TDRD3: variants seen among roughly 807,000 people sequenced by gnomAD.
The protein encoded by TDRD3 is tudor domain containing 3, also known as tudor domain-containing protein 3.
TDRD3 carries 45 observed loss-of-function variants against 86.7 expected under a neutral mutation model. That is an observed-to-expected ratio of 0.52 (90% CI 0.41 to 0.67). TDRD3 has a LOEUF of 0.67. TDRD3 is among the 30% of genes least tolerant of loss of function. TDRD3 has a pLI of 0.00. For missense variants in TDRD3, 814 were observed against 889.0 expected (o/e 0.92, Z 1.07); for synonymous variants, 298 against 301.7 (o/e 0.99, Z 0.13).
At chr13:60,489,074 C>G (rs1307684670) in intron 7 of TDRD3, among the ~76,000 whole-genome samples, 3 of 152,074 alleles carry the variant, frequency 2.0e-5, no homozygotes, top group African/African-American at 7.2e-5. Flanking sequence ...TCTCGTTTGT[C>G]TATTTTTACT....
At chr13:60,519,504 G>A (rs1957245716) in intron 10 of TDRD3, among the ~76,000 whole-genome samples, 1 of 152,072 alleles carries the variant, frequency 6.6e-6, no homozygotes, top group South Asian at 2.1e-4. Context: ...TCAGATACAT[G>A]TATTTTCATT....
In TDRD3 at chr13:60,573,767, T is replaced by C; in HGVS notation, c.*161T>C. The C allele has an allele frequency of 1.8e-6, 1 of 569,346 alleles. No individual in the cohort carries two copies. 35.3% of individuals were successfully genotyped at this position (569,346 alleles called of 1,614,324 possible). A position where few individuals can be genotyped will look rare whatever the true frequency, so the allele number is the denominator to read the frequency against. Reference sequence around the variant, plus strand: ...TTTTAGGGTGGAAAAAACAGTCAACTCACACAAAGAATGGAAAAAAATACT... The same window carrying C: ...TTTTAGGGTGGAAAAAACAGTCAACCCACACAAAGAATGGAAAAAAATACT... On this transcript the variant is annotated 3_prime_UTR_variant, in exon 14 of 14. Coordinates refer to ENST00000377881, the MANE Select transcript of TDRD3 (RefSeq NM_001146070.2).
intron 1 of TDRD3, among the ~76,000 whole-genome samples, chr13:60,418,977 C>T (rs987334182): frequency 6.6e-6 from 1 of 152,044 alleles, no homozygotes; most frequent in African/African-American, 2.4e-5. Flanking sequence ...AGACAATAAC[C>T]AGTTTTTGGT....
intron 10 of TDRD3, among the ~76,000 whole-genome samples, chr13:60,515,422 G>A (rs1224829248): frequency 6.6e-6 from 1 of 152,154 alleles, no homozygotes; most frequent in African/African-American, 2.4e-5. Flanking sequence ...TCACACAGAA[G>A]AGATTCATGA....
At chr13:60,510,533 A>G in intron 9 of TDRD3, 97 bp from the exon 10 acceptor site, 1 of 1,207,006 alleles carries the variant, frequency 8.3e-7, no homozygotes, top group South Asian at 3.0e-5. Flanking sequence ...AAAGAAATTA[A>G]AATCCTTATT....
chr13:60,459,031 T>C (rs1017638160), intron 3 of TDRD3, among the ~76,000 whole-genome samples: 2 of 152,226 alleles, frequency 1.3e-5, no homozygotes, highest in African/African-American at 4.8e-5. Flanking sequence ...TTTTTTTTCG[T>C]AAGTGAAAAT....
At chr13:60,533,172 TGCTAACATTCA>T (rs1957622607) in intron 11 of TDRD3, among the ~76,000 whole-genome samples, 1 of 152,192 alleles carries the variant, frequency 6.6e-6, no homozygotes, top group African/African-American at 2.4e-5. Flanking sequence ...TCTCTAAACT[TGCTAACATTCA>T]GACCTGGAAA....
At chr13:60,521,261 C>G (rs1957279298) in intron 10 of TDRD3, among the ~76,000 whole-genome samples, 1 of 152,104 alleles carries the variant, frequency 6.6e-6, no homozygotes, top group Admixed American at 6.5e-5. Context: ...TGGTGTTAAA[C>G]AGATAGCAAT....
At chr13:60,467,789 G>A (rs1566215864) in intron 5 of TDRD3, among the ~76,000 whole-genome samples, 1 of 152,162 alleles carries the variant, frequency 6.6e-6, no homozygotes, top group Non-Finnish European at 1.5e-5. Flanking sequence ...AGGAGTTCTT[G>A]TTGCACTTGA....
intron 8 of TDRD3, among the ~76,000 whole-genome samples, chr13:60,495,244 A>G (rs769381176): frequency 6.6e-6 from 1 of 152,170 alleles, no homozygotes; most frequent in Admixed American, 6.5e-5. Context: ...CAGTATAACA[A>G]TATTAGGGCA....
At chr13:60,407,463 T>C (rs1954262024) in intron 1 of TDRD3, among the ~76,000 whole-genome samples, 1 of 152,206 alleles carries the variant, frequency 6.6e-6, no homozygotes, top group South Asian at 2.1e-4. Flanking sequence ...TGTGATCTCC[T>C]CAGAAATGCA....
chr13:60,504,673 G>A (rs11619210), intron 8 of TDRD3, among the ~76,000 whole-genome samples: 22,847 of 152,100 alleles, frequency 0.15, 2,147 homozygotes, highest in South Asian at 0.28. Context: ...GAACAGCTCC[G>A]GCCTGCAGCT....
At position 60,487,907 on chromosome 13, in the gene TDRD3, C is replaced by T. The variant is rs545434353; in HGVS notation, c.717+1959C>T. Among the ~76,000 whole-genome samples the T allele has an allele frequency of 2.0e-5, 3 of 152,304 alleles. No individual in the cohort carries two copies. The East Asian group carries it at 5.8e-4, about 29-fold the overall frequency. ...CCACCAACAGTACATAAGAGTTCTTCTTTCTTCACATCCTCACCAGTATTT... is the reference window on the plus strand; with the variant it reads ...CCACCAACAGTACATAAGAGTTCTTTTTTCTTCACATCCTCACCAGTATTT... On this transcript the variant is annotated intron_variant, in intron 7 of 13. Coordinates refer to ENST00000377881, the MANE Select transcript of TDRD3 (RefSeq NM_001146070.2).
At chr13:60,505,417 T>C (rs1330571204) in intron 8 of TDRD3, among the ~76,000 whole-genome samples, 6 of 152,136 alleles carry the variant, frequency 3.9e-5, no homozygotes, top group Non-Finnish European at 5.9e-5. Context: ...AGGGCATTTG[T>C]CAAAGAAAGG....
chr13:60,397,335 C>T lies in TDRD3; in HGVS notation c.-30C>T, dbSNP rs1290597390. The stretch of plus-strand genomic sequence containing the variant: ...GCCTCCCCATCACCCCCACCCCAGC[C>T]CCCCACCACCCCCGGCCTAAGCAGC... On this transcript the variant is annotated 5_prime_UTR_variant, in exon 1 of 14. Transcript: ENST00000377881. 2.1e-6 allele frequency: 3 copies of T among 1,437,878 alleles called. No individual in the cohort carries two copies. Among genetic ancestry groups the T allele is most frequent in the South Asian group, 2.7e-5 (2 of 75,030 alleles). 89.1% of individuals were successfully genotyped at this position (1,437,878 alleles called of 1,614,324 possible).
intron 2 of TDRD3, among the ~76,000 whole-genome samples, chr13:60,444,467 G>A (rs938362307): frequency 6.6e-6 from 1 of 151,772 alleles, no homozygotes; most frequent in African/African-American, 2.4e-5. Context: ...CAGGATTAAG[G>A]CCTTATGTGT....
At chr13:60,531,353 T>C (rs1031569067) in intron 11 of TDRD3, among the ~76,000 whole-genome samples, 6 of 152,182 alleles carry the variant, frequency 3.9e-5, no homozygotes. Context: ...TATTTAGATA[T>C]TTCTCCTTCA....
chr13:60,406,255 G>T (rs1039394457), intron 1 of TDRD3, among the ~76,000 whole-genome samples: 21 of 152,178 alleles, frequency 1.4e-4, no homozygotes, highest in African/African-American at 4.6e-4. Context: ...GGCTGCAGCT[G>T]TCCGGTATGG....
intron 1 of TDRD3, among the ~76,000 whole-genome samples, chr13:60,426,493 A>G (rs1002521681): frequency 1.3e-5 from 2 of 152,242 alleles, no homozygotes; most frequent in Non-Finnish European, 2.9e-5. Context: ...CTATTTTACT[A>G]TCTATATGTA....
Sources: allele counts gnomAD v4.1 joint callset (sites outside exome capture counted in the v4.1 genomes callset), GRCh38; gene constraint gnomAD v4.1.1; transcripts MANE v1.5; gene names NCBI Gene and HGNC (gene_info 2026-07-23, HGNC 2026-07-21).